Variants in PTPRM observed in about 807,000 individuals in gnomAD.
The protein encoded by PTPRM is receptor-type tyrosine-protein phosphatase mu.
Under a neutral mutation model 186.7 loss-of-function variants are expected in PTPRM, and 47 were observed. That is an observed-to-expected ratio of 0.25 (90% confidence interval 0.20 to 0.32). The LOEUF is 0.32. Ranked by LOEUF, PTPRM falls within the 10% of genes least tolerant of loss-of-function variation. The probability of loss-of-function intolerance (pLI) is 1.00; values close to 1 mark genes in which losing one functional copy is unlikely to be tolerated. For synonymous variants in PTPRM, 668 were observed against 674.9 expected, an observed-to-expected ratio of 0.99 and a Z score of 0.16; for missense variants, 1,494 against 1,865.0, an observed-to-expected ratio of 0.80 and a Z score of 3.66.
intron 13 of PTPRM, among the ~76,000 whole-genome samples, chr18:8,138,833 T>G (rs921637204): frequency 6.6e-6 from 1 of 152,140 alleles, no homozygotes; most frequent in African/African-American, 2.4e-5. Flanking sequence ...ATGCTGTCAT[T>G]TCTCCCATCT....
intron 7 of PTPRM, among the ~76,000 whole-genome samples, chr18:8,059,315 AC>A (rs1267176748): frequency 1.5e-5 from 1 of 67,058 alleles, no homozygotes. Flanking sequence ...GTATCCTGAG[AC>A]TTTGCTGAAG....
chr18:8,081,850 A>G (rs1411235778), intron 9 of PTPRM, among the ~76,000 whole-genome samples: 1 of 152,190 alleles, frequency 6.6e-6, no homozygotes, highest in Non-Finnish European at 1.5e-5. Flanking sequence ...TTAGGAGTGC[A>G]TGAATTAGTG....
chr18:7,824,405 G>C (rs548824170), intron 2 of PTPRM, among the ~76,000 whole-genome samples: 1 of 152,098 alleles, frequency 6.6e-6, no homozygotes, highest in Non-Finnish European at 1.5e-5. Flanking sequence ...GCAGGTGGAC[G>C]TGGTGATGTG....
chr18:8,012,169 G>C (rs2084573507), intron 7 of PTPRM, among the ~76,000 whole-genome samples: 1 of 152,212 alleles, frequency 6.6e-6, no homozygotes, highest in Non-Finnish European at 1.5e-5. Context: ...CTTTTTCAAA[G>C]TAGTAATTAG....
intron 24 of PTPRM, 77 bp from the exon 25 acceptor site, chr18:8,375,969 T>A: frequency 1.4e-6 from 2 of 1,470,034 alleles, no homozygotes; most frequent in Non-Finnish European, 9.3e-7. Context: ...CTGTTTCCAC[T>A]CCCCCAGCTA....
rs370972668 is a variant in PTPRM at position 8,130,000 on chromosome 18, A to G, written c.2168-13647A>G. On this transcript the variant is annotated intron_variant, in intron 13 of 32. Transcript: ENST00000580170. Reference sequence around the variant, plus strand: ...TGAAACGTGTTCTTCCATGTCTCCAATGGGCTGAGAGTGAGGCCCAAAGTC... The same window carrying G: ...TGAAACGTGTTCTTCCATGTCTCCAGTGGGCTGAGAGTGAGGCCCAAAGTC... 5.3e-5 allele frequency among the ~76,000 whole-genome samples: 8 copies of G among 152,278 alleles called. No homozygotes were observed. In the East Asian group the frequency reaches 1.4e-3, roughly 26 times the overall value.
chr18:7,633,887 G>C (rs866562606), intron 1 of PTPRM, among the ~76,000 whole-genome samples: 1 of 151,966 alleles, frequency 6.6e-6, no homozygotes, highest in Non-Finnish European at 1.5e-5. Flanking sequence ...CTTTGCTGGC[G>C]TGATTCTTCC....
chr18:8,145,337 T>C (rs536554969), intron 14 of PTPRM, among the ~76,000 whole-genome samples: 4 of 152,256 alleles, frequency 2.6e-5, no homozygotes, highest in South Asian at 4.2e-4. Context: ...TTTTTCTTTA[T>C]TATATTTTAA....
In PTPRM at chr18:7,619,514, T is replaced by A. The variant is rs552144933; in HGVS notation, c.73+51623T>A. ...TGTGTGTGTTTAAAATACAGGATGG[T>A]GATGATTATTTAGGGTCTTAAATAA... On this transcript the variant is annotated intron_variant, in intron 1 of 32. Coordinates refer to ENST00000580170, the MANE Select transcript of PTPRM (RefSeq NM_001105244.2). Among the ~76,000 whole-genome samples, 17 of 152,316 alleles carry A rather than the reference T, an allele frequency of 1.1e-4. 1 individual carries two copies. The South Asian group carries it at 3.5e-3, about 32-fold the overall frequency.
intron 1 of PTPRM, among the ~76,000 whole-genome samples, chr18:7,588,395 T>G (rs1598467987): frequency 1.3e-5 from 2 of 152,188 alleles, no homozygotes; most frequent in Non-Finnish European, 2.9e-5. Context: ...AATACTAACT[T>G]ATGAGGATTG....
rs140757360 is a variant in PTPRM at position 7,810,461 on chromosome 18, G to A, written c.196+36190G>A. Reference sequence around the variant, plus strand: ...ATTTATTATGATTTCTATATAGTCTGCTTACAAATGAATTTCTTGAGCAAA... The same window carrying A: ...ATTTATTATGATTTCTATATAGTCTACTTACAAATGAATTTCTTGAGCAAA... On this transcript the variant is annotated intron_variant, in intron 2 of 32. Coordinates refer to ENST00000580170, the MANE Select transcript of PTPRM (RefSeq NM_001105244.2). Among the ~76,000 whole-genome samples, 494 of 152,328 alleles carry A rather than the reference G, an allele frequency of 3.2e-3. 2 individuals carry two copies. Among genetic ancestry groups the A allele is most frequent in the Middle Eastern group, 0.01 (3 of 294 alleles).
intron 7 of PTPRM, among the ~76,000 whole-genome samples, chr18:8,006,358 C>T (rs2084185305): frequency 6.6e-6 from 1 of 152,106 alleles, no homozygotes; most frequent in African/African-American, 2.4e-5. Flanking sequence ...TGAGTGAGAG[C>T]CACATGAGTT....
intron 1 of PTPRM, among the ~76,000 whole-genome samples, chr18:7,634,770 A>T (rs540443927): frequency 1.3e-5 from 2 of 152,202 alleles, no homozygotes; most frequent in African/African-American, 4.8e-5. Context: ...TGTTTAGCCA[A>T]CTTATTTACA....
intron 7 of PTPRM, among the ~76,000 whole-genome samples, chr18:8,047,493 A>G (rs1346629281): frequency 6.6e-6 from 1 of 152,220 alleles, no homozygotes; most frequent in Non-Finnish European, 1.5e-5. Flanking sequence ...AGCACCAAAG[A>G]ACAAAAATGT....
At chr18:8,385,836 A>G (rs2095768670) in intron 30 of PTPRM, among the ~76,000 whole-genome samples, 1 of 152,224 alleles carries the variant, frequency 6.6e-6, no homozygotes, top group Non-Finnish European at 1.5e-5. Flanking sequence ...GGAGAGAGGC[A>G]TCAGGAGGCT....
At chr18:7,967,958 C>T (rs2054262333) in intron 7 of PTPRM, among the ~76,000 whole-genome samples, 1 of 103,148 alleles carries the variant, frequency 9.7e-6, no homozygotes, top group Non-Finnish European at 1.8e-5. Flanking sequence ...ACACAGAACG[C>T]CACAAAGATA....
chr18:7,785,985 C>G (rs2043080941), intron 2 of PTPRM, among the ~76,000 whole-genome samples: 1 of 152,146 alleles, frequency 6.6e-6, no homozygotes, highest in Admixed American at 6.5e-5. Context: ...TGGATACATG[C>G]TTGCATTCAT....
At chr18:7,943,140 CT>C (rs1264179888) in intron 5 of PTPRM, among the ~76,000 whole-genome samples, 2 of 152,106 alleles carry the variant, frequency 1.3e-5, no homozygotes, top group Non-Finnish European at 2.9e-5. Flanking sequence ...CCCATGCTTC[CT>C]CTCCTGTTGC....
chr18:7,569,318 G>A (rs2036514966), intron 1 of PTPRM, among the ~76,000 whole-genome samples: 1 of 152,162 alleles, frequency 6.6e-6, no homozygotes, highest in Non-Finnish European at 1.5e-5. Context: ...TGTAGGTTTT[G>A]AAACCCAAAG....
Sources: allele counts gnomAD v4.1 joint callset (sites outside exome capture counted in the v4.1 genomes callset), GRCh38; gene constraint gnomAD v4.1.1; transcripts MANE v1.5; gene names NCBI Gene and HGNC (gene_info 2026-07-23, HGNC 2026-07-21).